RUFY1: variants seen among roughly 807,000 people sequenced by gnomAD.
RUFY1 encodes RUN and FYVE domain-containing protein 1.
In RUFY1, 54 loss-of-function variants were observed where a neutral mutation model predicts 94.6. The observed-to-expected ratio is 0.57, with a 90% CI of 0.46 to 0.72. The LOEUF (loss-of-function observed/expected upper bound fraction) is 0.72. Ranked by LOEUF, RUFY1 falls within the 30% of genes least tolerant of loss-of-function variation. The probability of loss-of-function intolerance (pLI) is 0.00; values close to 1 mark genes in which losing one functional copy is unlikely to be tolerated. For missense variants in RUFY1, 883 were observed against 883.9 expected, an observed-to-expected ratio of 1.00 and a Z score of 0.01; for synonymous variants, 396 against 347.3, an observed-to-expected ratio of 1.14 and a Z score of -1.56.
intron 6 of RUFY1, among the ~76,000 whole-genome samples, chr5:179,580,246 T>TATA (rs1554118967): frequency 0.017 from 1,817 of 104,216 alleles, 72 homozygotes; most frequent in African/African-American, 0.045. Context: ...TGTGTGTATA[T>TATA]TTTTTTTTTT....
intron 17 of RUFY1, chr5:179,608,710 G>T: frequency 1.2e-6 from 1 of 824,404 alleles, no homozygotes; most frequent in Non-Finnish European, 1.5e-6. Flanking sequence ...GGTGGATCAC[G>T]AGGTCAGAAG....
chr5:179,555,155 G>A (rs1355721455), intron 1 of RUFY1, among the ~76,000 whole-genome samples: 1 of 151,950 alleles, frequency 6.6e-6, no homozygotes, highest in Non-Finnish European at 1.5e-5. Flanking sequence ...CCTAAAGGAT[G>A]AGTAACAAAC....
chr5:179,554,366 G>A (rs1006876305), intron 1 of RUFY1, among the ~76,000 whole-genome samples: 2 of 151,844 alleles, frequency 1.3e-5, no homozygotes, highest in Non-Finnish European at 2.9e-5. Flanking sequence ...GAGAAACCCC[G>A]TCTCTACTAA....
intron 3 of RUFY1, among the ~76,000 whole-genome samples, chr5:179,564,215 G>C (rs1325448837): frequency 6.6e-6 from 1 of 150,638 alleles, no homozygotes; most frequent in Admixed American, 6.6e-5. Context: ...CACCCCCTGG[G>C]TTCCAGCGAT....
In RUFY1 at chr5:179,580,392, G is replaced by A. The variant is rs866193932; in HGVS notation, c.891-555G>A. ...CGAGGAGCTGGGACTACAGGCGCCC[G>A]CCACCACGCCCGGCTAATTTTTTGT... On this transcript the variant is annotated intron_variant, in intron 6 of 17. Transcript: ENST00000319449. Among the ~76,000 whole-genome samples, 56 of 151,604 alleles carry A rather than the reference G, an allele frequency of 3.7e-4. No homozygotes were observed. In the Middle Eastern group the frequency reaches 0.014, roughly 37 times the overall value.
intron 1 of RUFY1, chr5:179,559,672 G>C (rs1350999232): frequency 9.7e-7 from 1 of 1,035,556 alleles, no homozygotes; most frequent in East Asian, 9.4e-5. Flanking sequence ...CTTCCTGTAG[G>C]TAGCGCCCTT....
chr5:179,555,619 A>G lies in RUFY1; in HGVS notation c.311-4406A>G, dbSNP rs1346109466. 4 of 362,146 alleles carry G rather than the reference A, an allele frequency of 1.1e-5. No homozygotes were observed. The East Asian group carries it at 2.6e-4, about 24-fold the overall frequency. The allele number at this position is 362,146 out of a possible 1,614,324, so 22.4% of individuals were successfully genotyped here. On this transcript the variant is annotated intron_variant, in intron 1 of 17. Transcript: ENST00000319449. ...CATGTAACCCCCTAAGAAAACTCCC[A>G]ACTTTTTTTTTTTTTTTTTTTTTTT...
At chr5:179,599,630 T>G (rs1403160186) in intron 14 of RUFY1, 1 of 152,320 alleles carries the variant, frequency 6.6e-6, no homozygotes, top group Non-Finnish European at 1.5e-5. Context: ...GTGTGGAACA[T>G]TTGCCCTAAT....
At chr5:179,566,677 C>G (rs1762856271) in intron 3 of RUFY1, among the ~76,000 whole-genome samples, 1 of 150,678 alleles carries the variant, frequency 6.6e-6, no homozygotes, top group Non-Finnish European at 1.5e-5. Flanking sequence ...GTACTTAACA[C>G]TACTTAACTG....
chr5:179,565,164 C>CTT lies in RUFY1; in HGVS notation c.603-2271_603-2270dup, dbSNP rs138223106. Among the ~76,000 whole-genome samples the CTT allele has an allele frequency of 2.3e-3, 165 of 71,948 alleles. 10 individuals are homozygous for CTT. The highest frequency in any genetic ancestry group is 5.0e-3 in the African/African-American group (89 of 17,686). The allele number at this position is 71,948 out of a possible 152,430, so 47.2% of individuals were successfully genotyped here. A position where few individuals can be genotyped will look rare whatever the true frequency, so the allele number is the denominator to read the frequency against. ...TGCCTTTTAATACTTTCTAGGTTTTCTTTTTTTTTTTTTTTTTTTTTTTTT... is the reference window on the plus strand; with the variant it reads ...TGCCTTTTAATACTTTCTAGGTTTTCTTTTTTTTTTTTTTTTTTTTTTTTTTT... On this transcript the variant is annotated intron_variant, in intron 3 of 17. Transcript: ENST00000319449.
At chr5:179,554,067 T>C (rs1022149827) in intron 1 of RUFY1, among the ~76,000 whole-genome samples, 2 of 152,184 alleles carry the variant, frequency 1.3e-5, no homozygotes, top group Non-Finnish European at 2.9e-5. Flanking sequence ...GGCCCAAGGC[T>C]GACTCATTCT....
At chr5:179,579,571 A>G (rs1298481216) in intron 6 of RUFY1, among the ~76,000 whole-genome samples, 1 of 149,154 alleles carries the variant, frequency 6.7e-6, no homozygotes, top group Non-Finnish European at 1.5e-5. Context: ...ACCTCAACTG[A>G]TCCATCTGCC....
At chr5:179,559,950 T>G in intron 1 of RUFY1, 75 bp from the exon 2 acceptor site, 1 of 1,533,226 alleles carries the variant, frequency 6.5e-7, no homozygotes, top group South Asian at 1.3e-5. Context: ...CTGACCCGTC[T>G]TCTCACCGTT....
intron 7 of RUFY1, among the ~76,000 whole-genome samples, chr5:179,583,820 G>A (rs1360136650): frequency 3.3e-5 from 5 of 151,348 alleles, no homozygotes; most frequent in African/African-American, 7.3e-5. Flanking sequence ...CATGATCTCC[G>A]CTCACTGCAA....
At chr5:179,567,618 G>C (rs918606324) in intron 4 of RUFY1, 56 bp downstream of exon 4, 36 of 1,296,164 alleles carry the variant, frequency 2.8e-5, no homozygotes, top group Non-Finnish European at 5.6e-6. Flanking sequence ...TAGAACATAG[G>C]CTGGGTGCGG....
chr5:179,577,254 C>T, intron 6 of RUFY1, 118 bp downstream of exon 6: 1 of 618,162 alleles, frequency 1.6e-6, no homozygotes, highest in South Asian at 2.1e-5. Context: ...TCACTGCAAC[C>T]TCCGCCTCCC....
intron 8 of RUFY1, 57 bp downstream of exon 8, chr5:179,585,922 A>G: frequency 7.3e-7 from 1 of 1,376,474 alleles, no homozygotes; most frequent in Non-Finnish European, 1.0e-6. Context: ...GGTTAAGAGA[A>G]TCTGTGTAGT....
At chr5:179,592,098 C>T (rs549849178) in intron 10 of RUFY1, among the ~76,000 whole-genome samples, 1 of 152,014 alleles carries the variant, frequency 6.6e-6, no homozygotes, top group Non-Finnish European at 1.5e-5. Flanking sequence ...GCACCCGCCA[C>T]CACACCCGGC....
At chr5:179,577,276 AT>A (rs1164980387) in intron 6 of RUFY1, 140 bp downstream of exon 6, 2 of 556,290 alleles carry the variant, frequency 3.6e-6, no homozygotes, top group African/African-American at 4.2e-5. Flanking sequence ...GGTTCAAGCG[AT>A]TCTTCTGCCT....
Sources: gnomAD v4.1 joint callset for allele counts (sites outside exome capture counted in the v4.1 genomes callset) on GRCh38, gnomAD v4.1.1 for gene constraint, MANE v1.5 for transcripts, NCBI Gene and HGNC (gene_info 2026-07-23, HGNC 2026-07-21) for gene names.